The following SFPQ variants were observed in gnomAD, a reference collection of about 807,000 sequenced individuals.
SFPQ encodes splicing factor proline and glutamine rich, also known as splicing factor, proline- and glutamine-rich.
In SFPQ, 11 loss-of-function variants were observed where a neutral mutation model predicts 72.9. That is an observed-to-expected ratio of 0.15 (90% CI 0.09 to 0.25). SFPQ has a LOEUF of 0.25. Ranked by LOEUF, SFPQ falls within the 10% of genes least tolerant of loss-of-function variation. SFPQ has a pLI of 1.00. For missense variants in SFPQ, 847 were observed against 993.3 expected (o/e 0.85, Z 1.98); for synonymous variants, 506 against 367.3 (o/e 1.38, Z -4.32).
chr1:35,184,414 A>G lies in SFPQ; in HGVS notation c.*42T>C, dbSNP rs78648707. On this transcript the variant is annotated 3_prime_UTR_variant, in exon 10 of 10. Transcript: ENST00000357214. ...GAATTTAAAAGATTGGTATCTAAAC[A>G]AAAAAACAAAACAAACTGGAATGAA... 534 of 1,591,782 alleles carry G rather than the reference A, an allele frequency of 3.4e-4. 3 individuals carry two copies. In the African/African-American group the frequency reaches 6.7e-3, roughly 20 times the overall value.
intron 9 of SFPQ, among the ~76,000 whole-genome samples, chr1:35,186,458 C>T (rs1487725678): frequency 2.0e-5 from 3 of 152,112 alleles, no homozygotes; most frequent in Non-Finnish European, 2.9e-5. Flanking sequence ...AGAAGGTATA[C>T]CTACAGACAG....
At chr1:35,182,552 GA>G (rs955162482), downstream of SFPQ, 2 of 985,276 alleles carry the variant, frequency 2.0e-6, no homozygotes, top group African/African-American at 3.5e-5. Flanking sequence ...TTCCTATGCA[GA>G]AAGTGCTCAG....
intron 7 of SFPQ, among the ~76,000 whole-genome samples, chr1:35,187,564 C>T (rs1639781453): frequency 6.6e-6 from 1 of 152,122 alleles, no homozygotes; most frequent in Non-Finnish European, 1.5e-5. Flanking sequence ...AACGCCATTT[C>T]TACTAAAAAT....
intron 9 of SFPQ, among the ~76,000 whole-genome samples, chr1:35,185,380 A>G (rs1639661971): frequency 6.6e-6 from 1 of 152,226 alleles, no homozygotes; most frequent in African/African-American, 2.4e-5. Flanking sequence ...AGGTCTTTGA[A>G]AAGTGCAGAC....
At position 35,183,594 on chromosome 1, in the gene SFPQ, A is replaced by C; in HGVS notation, c.*862T>G. On this transcript the variant is annotated 3_prime_UTR_variant, in exon 10 of 10. Transcript: ENST00000357214. ...CTTTATAAATCACTTGAATACATGA[A>C]AAGACTTCATGTTTAACATCTTTAA... The C allele has an allele frequency of 9.8e-7, 1 of 1,025,010 alleles. No homozygotes were observed. The highest frequency in any genetic ancestry group is 4.6e-5 in the South Asian group (1 of 21,594). 63.5% of individuals were successfully genotyped at this position (1,025,010 alleles called of 1,614,324 possible).
chr1:35,177,363 C>T (rs1417482745), exon 5 of SFPQ: 1 of 152,164 alleles, frequency 6.6e-6, no homozygotes, highest in African/African-American at 2.4e-5. Context: ...CCTTGATTGA[C>T]TCACGCTGTG....
intron 6 of SFPQ, 76 bp downstream of exon 6, chr1:35,188,927 C>T (rs1639860926): frequency 1.1e-5 from 13 of 1,212,010 alleles, no homozygotes; most frequent in Admixed American, 5.8e-5. Context: ...CACCACTGCA[C>T]TCCAGCCCGG....
chr1:35,191,903 C>T (rs1640019239), intron 1 of SFPQ, among the ~76,000 whole-genome samples: 2 of 152,372 alleles, frequency 1.3e-5, no homozygotes, highest in South Asian at 4.1e-4. Flanking sequence ...CTTCCCGGTT[C>T]TCTCCAAACC....
At chr1:35,178,048 T>G (rs755008963), downstream of SFPQ, 6 of 1,284,952 alleles carry the variant, frequency 4.7e-6, no homozygotes, top group Non-Finnish European at 6.0e-6. Flanking sequence ...TAAAGAATAA[T>G]AAGAAAAAGT....
chr1:35,192,346 T>G lies in SFPQ; in HGVS notation c.704A>C (p.His235Pro). 9 of 1,396,034 alleles carry G rather than the reference T, an allele frequency of 6.4e-6. No homozygotes were observed. Among genetic ancestry groups the G allele is most frequent in the Non-Finnish European group, 8.3e-6 (9 of 1,088,784 alleles). The allele number at this position is 1,396,034 out of a possible 1,614,324, so 86.5% of individuals were successfully genotyped here. The change falls in exon 1 of 10, where the codon CAT (histidine) becomes CCT (proline). Residue 235 changes from histidine to proline, a missense_variant. Physicochemically the swap from His to Pro is moderately conservative, Grantham distance 77. Coordinates refer to ENST00000357214, the MANE Select transcript of SFPQ (RefSeq NM_005066.3). ...CCCGCGGGGCTCCCCGCCGCCTCGATGCGGCGGCTTGGGGTGGCCGCCAGG... is the reference window on the plus strand; with the variant it reads ...CCCGCGGGGCTCCCCGCCGCCTCGAGGCGGCGGCTTGGGGTGGCCGCCAGG... The part of the protein sequence containing the change: ...STPGGHPKPP[H>P]RGGGEPRGGR...
In SFPQ at chr1:35,192,738, C is replaced by T. The variant is rs1439994167; in HGVS notation, c.312G>A (p.Gln104=). The T allele has an allele frequency of 2.7e-6, 4 of 1,501,612 alleles. No individual in the cohort carries two copies. The highest frequency in any genetic ancestry group is 3.5e-6 in the Non-Finnish European group (4 of 1,132,520). 93.0% of individuals were successfully genotyped at this position (1,501,612 alleles called of 1,614,324 possible). The change falls in exon 1 of 10, where the codon CAG becomes CAA. Residue 104 remains glutamine, a synonymous_variant. Coordinates refer to ENST00000357214, the MANE Select transcript of SFPQ (RefSeq NM_005066.3). ...GAGCAACGACGGGCTTGGAAGAGTC[C>T]TGCGGCGGTGGCGGCGGCTGCTGCT... ...HQQQQPPPPP[Q]DSSKPVVAQG... is the part of the protein sequence containing the mutation.
At chr1:35,182,879 C>G (rs1051186757), downstream of SFPQ, 7 of 1,045,798 alleles carry the variant, frequency 6.7e-6, no homozygotes, top group African/African-American at 1.7e-5. Context: ...GTCAAAGTCT[C>G]TTGTTCTAAT....
At chr1:35,179,424 C>G (rs1040961082), downstream of SFPQ, 1 of 1,055,566 alleles carries the variant, frequency 9.5e-7, no homozygotes, top group Admixed American at 5.4e-5. Context: ...CCTAACAGTA[C>G]GAAAATACAT....
At chr1:35,188,919 C>T (rs1639860727) in intron 6 of SFPQ, 84 bp downstream of exon 6, 5 of 1,046,704 alleles carry the variant, frequency 4.8e-6, no homozygotes, top group African/African-American at 1.6e-5. Context: ...TGAGACTGCA[C>T]CACTGCACTC....
downstream of SFPQ, chr1:35,180,161 A>G (rs1017473090): frequency 7.6e-6 from 8 of 1,049,994 alleles, no homozygotes; most frequent in South Asian, 2.3e-4. Context: ...GCATTTATGC[A>G]AAGTAAACCA....
Position 35,183,591 on chromosome 1 carries a change from T to C in SFPQ, c.*865A>G. ...CATCTTTATAAATCACTTGAATACA[T>C]GAAAAGACTTCATGTTTAACATCTT... On this transcript the variant is annotated 3_prime_UTR_variant, in exon 10 of 10. Coordinates refer to ENST00000357214, the MANE Select transcript of SFPQ (RefSeq NM_005066.3). 2.0e-6 allele frequency: 2 copies of C among 1,023,916 alleles called. No homozygotes were observed. Among genetic ancestry groups the C allele is most frequent in the Non-Finnish European group, 2.3e-6 (2 of 852,628 alleles). The allele number at this position is 1,023,916 out of a possible 1,614,324, so 63.4% of individuals were successfully genotyped here. A position where few individuals can be genotyped will look rare whatever the true frequency, so the allele number is the denominator to read the frequency against.
At position 35,188,045 on chromosome 1, in the gene SFPQ, A is replaced by C. The variant is rs1197711235; in HGVS notation, c.1743T>G (p.Arg581=). ...RRRREEEMMI[R]QREMEEQMRR... Reference sequence around the variant, plus strand: ...TCATTTGTTCTTCCATCTCACGTTGACGAATCATCATCTCTTCCTCTCTTC... The same window carrying C: ...TCATTTGTTCTTCCATCTCACGTTGCCGAATCATCATCTCTTCCTCTCTTC... Residue 581 remains arginine, a synonymous_variant, in exon 7 of 10, where the codon CGT becomes CGG. Coordinates refer to ENST00000357214, the MANE Select transcript of SFPQ (RefSeq NM_005066.3). 2 of 1,614,076 alleles carry C rather than the reference A, an allele frequency of 1.2e-6. No individual in the cohort carries two copies. The highest frequency in any genetic ancestry group is 3.3e-5 in the Admixed American group (2 of 60,012).
chr1:35,184,776 C>T (rs1280372084), intron 9 of SFPQ, among the ~76,000 whole-genome samples, 183 bp from the exon 10 acceptor site: 1 of 152,174 alleles, frequency 6.6e-6, no homozygotes. Flanking sequence ...GTAATACATG[C>T]CTTGTGGTAT....
chr1:35,186,404 G>C (rs1478173736), intron 9 of SFPQ, among the ~76,000 whole-genome samples: 1 of 152,122 alleles, frequency 6.6e-6, no homozygotes, highest in East Asian at 1.9e-4. Context: ...AAAAATTGTT[G>C]ATTTTTGCTA....
Sources: allele counts gnomAD v4.1 joint callset (sites outside exome capture counted in the v4.1 genomes callset), GRCh38; gene constraint gnomAD v4.1.1; transcripts MANE v1.5; gene names NCBI Gene and HGNC (gene_info 2026-07-23, HGNC 2026-07-21).